VPS13B: variants seen among roughly 807,000 people sequenced by gnomAD.
The protein encoded by VPS13B is intermembrane lipid transfer protein VPS13B.
Under a neutral mutation model 426.4 loss-of-function variants are expected in VPS13B, and 285 were observed. The observed-to-expected ratio is 0.67, with a 90% CI of 0.61 to 0.74. VPS13B has a LOEUF of 0.74. Among genes scored for constraint, VPS13B ranks in the 30% least tolerant of loss-of-function variants. The probability of loss-of-function intolerance (pLI) is 0.00; values close to 1 mark genes in which losing one functional copy is unlikely to be tolerated. For synonymous variants in VPS13B, 1,676 were observed against 1,676.4 expected (o/e 1.00, Z 0.01); for missense variants, 4,537 against 4,782.6 (o/e 0.95, Z 1.51).
chr8:99,494,093 C>T (rs1446951785), intron 25 of VPS13B, among the ~76,000 whole-genome samples: 1 of 151,988 alleles, frequency 6.6e-6, no homozygotes, highest in Non-Finnish European at 1.5e-5. Context: ...TGTTACTGTA[C>T]AATCATGATT....
At chr8:99,609,791 G>A (rs1021519382) in intron 33 of VPS13B, among the ~76,000 whole-genome samples, 3 of 152,136 alleles carry the variant, frequency 2.0e-5, no homozygotes, top group Admixed American at 6.5e-5. Context: ...GCTTCTTACC[G>A]CAAGTGTATG....
Position 99,800,978 on chromosome 8 carries a change from C to T in VPS13B, c.7942-8397C>T, listed in dbSNP as rs543768734. On this transcript the variant is annotated intron_variant, in intron 43 of 61. Transcript: ENST00000357162. ...TTACAAAGTATATGATGAAATGACA[C>T]AATGCACTGTTTTAAAGCTATGAAG... 2.6e-5 allele frequency among the ~76,000 whole-genome samples: 4 copies of T among 152,214 alleles called. No homozygotes were observed. In the East Asian group the frequency reaches 7.7e-4, roughly 29 times the overall value.
chr8:99,495,380 T>C (rs555806076), intron 25 of VPS13B, among the ~76,000 whole-genome samples: 20 of 152,350 alleles, frequency 1.3e-4, no homozygotes, highest in Non-Finnish European at 2.2e-4. Flanking sequence ...TTAAACATAA[T>C]TATTTTCTTT....
At chr8:99,454,183 T>C (rs1818337965) in intron 23 of VPS13B, among the ~76,000 whole-genome samples, 1 of 152,200 alleles carries the variant, frequency 6.6e-6, no homozygotes. Context: ...TTTCCATGGC[T>C]TGATAGCTTT....
At position 99,654,215 on chromosome 8, in the gene VPS13B, A is replaced by AT. The variant is rs1360982084; in HGVS notation, c.5909-7133dup. Among the ~76,000 whole-genome samples the AT allele has an allele frequency of 8.8e-4, 134 of 151,780 alleles. 2 individuals carry two copies. Among genetic ancestry groups the AT allele is most frequent in the African/African-American group, 3.2e-3 (132 of 41,406 alleles). ...AGGCGCCCGCCACCACGCCCGGCTA[A>AT]TTTTTTGTATTTTTAGTAGAGACGG... is the stretch of plus-strand genomic sequence containing the variant. On this transcript the variant is annotated intron_variant, in intron 34 of 61. Transcript: ENST00000357162.
intron 30 of VPS13B, among the ~76,000 whole-genome samples, chr8:99,554,569 C>A (rs1271014130): frequency 7.3e-6 from 1 of 136,964 alleles, no homozygotes; most frequent in Non-Finnish European, 1.6e-5. Flanking sequence ...TTCCTGACCT[C>A]AAGAATGTGT....
chr8:99,828,394 G>GTTT (rs555108452), intron 51 of VPS13B, among the ~76,000 whole-genome samples: 230 of 17,436 alleles, frequency 0.013, 12 homozygotes, highest in East Asian at 0.019. Context: ...TACAACCACC[G>GTTT]TTTTTTTTTT....
intron 21 of VPS13B, among the ~76,000 whole-genome samples, chr8:99,423,521 G>A (rs1816501749): frequency 6.6e-6 from 1 of 151,290 alleles, no homozygotes; most frequent in African/African-American, 2.4e-5. Flanking sequence ...ACCCACTTCA[G>A]CCTCCCAAAG....
At chr8:99,066,971 A>C (rs763041562) in intron 3 of VPS13B, among the ~76,000 whole-genome samples, 1 of 152,210 alleles carries the variant, frequency 6.6e-6, no homozygotes, top group Non-Finnish European at 1.5e-5. Context: ...TAGAATGGCA[A>C]TCATTAGAAA....
At chr8:99,726,327 A>G (rs1203027133) in intron 39 of VPS13B, among the ~76,000 whole-genome samples, 2 of 152,220 alleles carry the variant, frequency 1.3e-5, no homozygotes, top group Non-Finnish European at 2.9e-5. Context: ...AAGTAATGCC[A>G]CCAACCTAGG....
intron 33 of VPS13B, among the ~76,000 whole-genome samples, chr8:99,640,063 A>AGAAGAAGAAGAAGAAGAAG (rs1233008721): frequency 4.9e-5 from 5 of 103,044 alleles, no homozygotes; most frequent in South Asian, 3.1e-4. Context: ...AAAGAAAAGA[A>AGAAGAAGAAGAAGAAGAAG]AAGAAAAGAA....
At chr8:99,507,349 T>C (rs1425242360) in intron 28 of VPS13B, 146 bp downstream of exon 28, 4 of 873,256 alleles carry the variant, frequency 4.6e-6, no homozygotes, top group Non-Finnish European at 7.2e-6. Flanking sequence ...ACATATAAAT[T>C]TAAAGCTATT....
intron 21 of VPS13B, among the ~76,000 whole-genome samples, chr8:99,403,548 CAAAAA>C (rs200871879): frequency 1.1e-5 from 1 of 91,578 alleles, no homozygotes. Context: ...GACTCTGTCT[CAAAAA>C]AAAAAAAAAA....
At position 99,412,782 on chromosome 8, in the gene VPS13B, G is replaced by A. The variant is rs182814788; in HGVS notation, c.3083-18755G>A. On this transcript the variant is annotated intron_variant, in intron 21 of 61. Transcript: ENST00000357162. Reference sequence around the variant, plus strand: ...TTTATTGAGAGTTTTTAGCATGAAGGGGTGTTGAATTTTATTGAAGTCCTT... The same window carrying A: ...TTTATTGAGAGTTTTTAGCATGAAGAGGTGTTGAATTTTATTGAAGTCCTT... Among the ~76,000 whole-genome samples, 81 of 152,244 alleles carry A rather than the reference G, an allele frequency of 5.3e-4. No homozygotes were observed. The East Asian group carries it at 0.014, about 26-fold the overall frequency.
At chr8:99,364,421 C>T (rs773778403) in intron 19 of VPS13B, among the ~76,000 whole-genome samples, 1 of 151,590 alleles carries the variant, frequency 6.6e-6, no homozygotes, top group African/African-American at 2.4e-5. Flanking sequence ...GATATTGTCC[C>T]GTAGTTTTCT....
chr8:99,592,270 T>G (rs1826728624), intron 33 of VPS13B, among the ~76,000 whole-genome samples: 1 of 152,228 alleles, frequency 6.6e-6, no homozygotes, highest in East Asian at 1.9e-4. Context: ...CATCCTCCCG[T>G]AGCTTGGAGA....
intron 21 of VPS13B, among the ~76,000 whole-genome samples, chr8:99,401,481 G>C (rs1815032524): frequency 7.2e-5 from 11 of 152,302 alleles, no homozygotes; most frequent in Admixed American, 6.5e-4. Context: ...TTGTTGTTGA[G>C]TGTTCCTGTT....
At chr8:99,766,686 A>G (rs911298917) in intron 39 of VPS13B, 88 bp from the exon 40 acceptor site, 12 of 1,204,082 alleles carry the variant, frequency 1.0e-5, no homozygotes, top group Non-Finnish European at 1.4e-5. Flanking sequence ...TAATGTTATA[A>G]TTTTTATAAA....
intron 17 of VPS13B, among the ~76,000 whole-genome samples, chr8:99,238,266 GT>G (rs1431443758): frequency 1.3e-5 from 2 of 152,082 alleles, no homozygotes; most frequent in South Asian, 2.1e-4. Context: ...GTGTGTGTGT[GT>G]GTGAAAAGAC....
Sources: allele counts gnomAD v4.1 joint callset (sites outside exome capture counted in the v4.1 genomes callset), GRCh38; gene constraint gnomAD v4.1.1; transcripts MANE v1.5; gene names NCBI Gene and HGNC (gene_info 2026-07-23, HGNC 2026-07-21).